Variants in LRRK2 observed in about 807,000 individuals in gnomAD.
LRRK2 encodes the protein leucine-rich repeat serine/threonine-protein kinase 2.
In LRRK2, 203 loss-of-function variants were observed where a neutral mutation model predicts 302.6. The observed-to-expected ratio is 0.67, with a 90% CI of 0.60 to 0.75. The LOEUF is 0.75. Ranked by LOEUF, LRRK2 falls within the 30% of genes least tolerant of loss-of-function variation. The pLI is 0.00. For synonymous variants in LRRK2, 1,066 were observed against 1,031.9 expected (o/e 1.03, Z -0.63); for missense variants, 2,830 against 2,951.0 (o/e 0.96, Z 0.95).
chr12:40,263,971 C>T (rs1042294422), intron 14 of LRRK2, 70 bp downstream of exon 14: 6 of 1,070,872 alleles, frequency 5.6e-6, no homozygotes, highest in Non-Finnish European at 8.5e-6. Flanking sequence ...ACTAGGGGCG[C>T]TTTTTCAGTC....
chr12:40,272,041 G>A (rs1943249931), intron 14 of LRRK2, among the ~76,000 whole-genome samples: 1 of 152,120 alleles, frequency 6.6e-6, no homozygotes, highest in Non-Finnish European at 1.5e-5. Flanking sequence ...CTTTGAGCTT[G>A]GGAGTAGAAG....
intron 11 of LRRK2, among the ~76,000 whole-genome samples, chr12:40,256,111 T>C (rs900386861): frequency 1.3e-5 from 2 of 152,202 alleles, no homozygotes; most frequent in African/African-American, 4.8e-5. Flanking sequence ...TGTGGAAACT[T>C]GAAGACAGTA....
chr12:40,333,180 T>A (rs1406729538), intron 39 of LRRK2, among the ~76,000 whole-genome samples: 1 of 152,072 alleles, frequency 6.6e-6, no homozygotes, highest in East Asian at 1.9e-4. Flanking sequence ...TCTCATCAGT[T>A]CTAACCAACT....
chr12:40,276,942 G>A (rs1466725424), intron 16 of LRRK2, among the ~76,000 whole-genome samples: 2 of 152,024 alleles, frequency 1.3e-5, no homozygotes, highest in Non-Finnish European at 2.9e-5. Flanking sequence ...ATCCTCCTGG[G>A]TGGGCTCAAG....
At chr12:40,270,372 CA>C (rs1943181896) in intron 14 of LRRK2, among the ~76,000 whole-genome samples, 1 of 152,070 alleles carries the variant, frequency 6.6e-6, no homozygotes, top group Non-Finnish European at 1.5e-5. Flanking sequence ...TATTTGGAAG[CA>C]GTCTTCATCT....
chr12:40,258,024 T>C (rs1054952882), intron 12 of LRRK2, among the ~76,000 whole-genome samples: 2 of 152,148 alleles, frequency 1.3e-5, no homozygotes, highest in African/African-American at 4.8e-5. Flanking sequence ...CTAATTTTGT[T>C]CCTGGTTTTG....
At chr12:40,230,937 A>G (rs997948894) in intron 2 of LRRK2, among the ~76,000 whole-genome samples, 3 of 152,152 alleles carry the variant, frequency 2.0e-5, no homozygotes, top group African/African-American at 7.2e-5. Flanking sequence ...AGAGCCTACT[A>G]GGGGTGTCTG....
intron 5 of LRRK2, among the ~76,000 whole-genome samples, chr12:40,239,076 G>A (rs1204897433): frequency 1.3e-5 from 2 of 152,244 alleles, no homozygotes; most frequent in African/African-American, 4.8e-5. Flanking sequence ...TGGTTACAAA[G>A]TTCCTTAAGA....
intron 14 of LRRK2, among the ~76,000 whole-genome samples, chr12:40,272,278 G>T (rs1207906299): frequency 6.6e-6 from 1 of 151,988 alleles, no homozygotes; most frequent in Non-Finnish European, 1.5e-5. Context: ...ACTTTTTTTT[G>T]TAGAAGATAC....
intron 10 of LRRK2, among the ~76,000 whole-genome samples, chr12:40,251,837 T>C (rs1442005298): frequency 6.6e-6 from 1 of 152,186 alleles, no homozygotes; most frequent in East Asian, 1.9e-4. Flanking sequence ...CGTTTTAAAA[T>C]GCCATATTAA....
At chr12:40,294,544 A>G (rs576419304) in intron 21 of LRRK2, among the ~76,000 whole-genome samples, 1 of 152,214 alleles carries the variant, frequency 6.6e-6, no homozygotes, top group Admixed American at 6.5e-5. Context: ...ATTTAGTTAT[A>G]AAAAGTAGTT....
At chr12:40,309,871 A>G (rs1410339371) in intron 30 of LRRK2, among the ~76,000 whole-genome samples, 2 of 152,180 alleles carry the variant, frequency 1.3e-5, no homozygotes, top group Non-Finnish European at 2.9e-5. Context: ...GGCTGCATAC[A>G]TGCTTGTTTT....
intron 20 of LRRK2, among the ~76,000 whole-genome samples, chr12:40,290,713 A>G (rs1475456793): frequency 6.6e-6 from 1 of 152,048 alleles, no homozygotes; most frequent in Non-Finnish European, 1.5e-5. Flanking sequence ...TTATCCTGTT[A>G]GTGATTTAAT....
At chr12:40,309,490 T>C (rs1012415214) in intron 30 of LRRK2, among the ~76,000 whole-genome samples, 1 of 152,112 alleles carries the variant, frequency 6.6e-6, no homozygotes. Context: ...TGAAAATATA[T>C]ATGTTCAACT....
chr12:40,347,749 G>A (rs1356946933), intron 42 of LRRK2, among the ~76,000 whole-genome samples: 1 of 152,164 alleles, frequency 6.6e-6, no homozygotes, highest in Non-Finnish European at 1.5e-5. Flanking sequence ...GATCACTTGA[G>A]GCCAGGAGCT....
intron 38 of LRRK2, 69 bp downstream of exon 38, chr12:40,323,375 AT>A: frequency 7.7e-7 from 1 of 1,292,402 alleles, no homozygotes; most frequent in Non-Finnish European, 1.1e-6. Context: ...TAGAAAATAG[AT>A]TTCATAATTA....
intron 7 of LRRK2, among the ~76,000 whole-genome samples, chr12:40,248,771 G>C (rs1209037589): frequency 6.6e-6 from 1 of 152,178 alleles, no homozygotes; most frequent in African/African-American, 2.4e-5. Context: ...TTCAGTGACC[G>C]AACAGCTGTT....
chr12:40,225,778 A>G (rs987708014), intron 2 of LRRK2, 138 bp downstream of exon 2: 2 of 730,048 alleles, frequency 2.7e-6, no homozygotes, highest in South Asian at 1.5e-5. Flanking sequence ...TGATTTTAAG[A>G]TGGGAATATT....
At chr12:40,257,758 C>T (rs1246200091) in intron 12 of LRRK2, among the ~76,000 whole-genome samples, 1 of 152,128 alleles carries the variant, frequency 6.6e-6, no homozygotes, top group Non-Finnish European at 1.5e-5. Context: ...TATATTATTC[C>T]TTCATCTGAA....
Sources: allele counts gnomAD v4.1 joint callset (sites outside exome capture counted in the v4.1 genomes callset), GRCh38; gene constraint gnomAD v4.1.1; transcripts MANE v1.5; gene names NCBI Gene and HGNC (gene_info 2026-07-23, HGNC 2026-07-21).